The following ZNF560 variants were observed in gnomAD, a reference collection of about 807,000 sequenced individuals.
ZNF560 encodes the protein zinc finger protein 560.
Under a neutral mutation model 81.8 loss-of-function variants are expected in ZNF560, and 54 were observed. The ratio of observed to expected loss-of-function variants is 0.66; its 90% CI spans 0.53 to 0.83. The LOEUF (loss-of-function observed/expected upper bound fraction) is 0.83. ZNF560 is among the 40% of genes least tolerant of loss of function. The pLI is 0.00. For missense variants in ZNF560, 940 were observed against 932.4 expected (o/e 1.01, Z -0.11); for synonymous variants, 321 against 317.9 (o/e 1.01, Z -0.10).
At chr19:9,464,833 G>A (rs139138616), downstream of ZNF560, among the ~76,000 whole-genome samples, 198 of 152,232 alleles carry the variant, frequency 1.3e-3, no homozygotes, top group African/African-American at 4.6e-3. Flanking sequence ...TAGTTCTATA[G>A]AACCACCCAG....
At chr19:9,496,884 C>T (rs2073567456) in intron 2 of ZNF560, among the ~76,000 whole-genome samples, 1 of 151,444 alleles carries the variant, frequency 6.6e-6, no homozygotes. Flanking sequence ...TGCAGTAAGT[C>T]GAGATCACAC....
At chr19:9,479,506 C>A (rs1017935402) in intron 2 of ZNF560, among the ~76,000 whole-genome samples, 1 of 151,946 alleles carries the variant, frequency 6.6e-6, no homozygotes, top group African/African-American at 2.4e-5. Context: ...ACACAAAGGT[C>A]GTTATATGAT....
the ZNF560 span, among the ~76,000 whole-genome samples, chr19:9,456,551 C>T: frequency 1.3e-5 from 2 of 152,100 alleles, no homozygotes; most frequent in African/African-American, 4.8e-5. Context: ...AACCATCCTA[C>T]CTGTGAAAAA....
At chr19:9,472,309 G>A (rs1421382772) in intron 5 of ZNF560, among the ~76,000 whole-genome samples, 1 of 152,068 alleles carries the variant, frequency 6.6e-6, no homozygotes, top group Non-Finnish European at 1.5e-5. Flanking sequence ...GAATTCATGT[G>A]AGACCTGGTA....
chr19:9,447,695 C>T, the ZNF560 span, among the ~76,000 whole-genome samples: 1 of 151,850 alleles, frequency 6.6e-6, no homozygotes, highest in Non-Finnish European at 1.5e-5. Context: ...GAACAAAGTC[C>T]CCAAGAAATA....
intron 2 of ZNF560, among the ~76,000 whole-genome samples, chr19:9,497,126 T>C (rs1381605049): frequency 6.8e-6 from 1 of 146,022 alleles, no homozygotes; most frequent in African/African-American, 2.5e-5. Flanking sequence ...AAAAAAACTC[T>C]CAAAAAAAAA....
chr19:9,487,314 C>A (rs1413398973), intron 2 of ZNF560, among the ~76,000 whole-genome samples: 1 of 152,176 alleles, frequency 6.6e-6, no homozygotes, highest in Admixed American at 6.5e-5. Context: ...AAGGAATAAG[C>A]ATTTTACTTA....
At chr19:9,452,745 C>G in the ZNF560 span, among the ~76,000 whole-genome samples, 2 of 152,116 alleles carry the variant, frequency 1.3e-5, no homozygotes, top group African/African-American at 2.4e-5. Flanking sequence ...GACTACTGGG[C>G]GGGTAGGTGG....
At chr19:9,473,917 T>C (rs2144695303) in intron 4 of ZNF560, among the ~76,000 whole-genome samples, 1 of 152,312 alleles carries the variant, frequency 6.6e-6, no homozygotes, top group African/African-American at 2.4e-5. Flanking sequence ...GTGCATCAAA[T>C]TGATGTGGAA....
intron 2 of ZNF560, among the ~76,000 whole-genome samples, chr19:9,492,142 G>A (rs911453210): frequency 9.2e-5 from 14 of 151,858 alleles, no homozygotes; most frequent in Admixed American, 7.9e-4. Context: ...CATCAAGCCT[G>A]GCTAATCTGG....
chr19:9,473,464 G>T (rs2144694640), intron 4 of ZNF560, among the ~76,000 whole-genome samples: 1 of 152,156 alleles, frequency 6.6e-6, no homozygotes, highest in Non-Finnish European at 1.5e-5. Context: ...TATAATCCCA[G>T]CTACTTGGGG....
the ZNF560 span, among the ~76,000 whole-genome samples, chr19:9,456,416 G>T: frequency 2.0e-5 from 3 of 152,166 alleles, no homozygotes; most frequent in Admixed American, 6.5e-5. Context: ...CCGGGAGAGC[G>T]TATAGGGCAG....
chr19:9,476,994 A>G (rs541079744), intron 2 of ZNF560, among the ~76,000 whole-genome samples: 6 of 152,252 alleles, frequency 3.9e-5, no homozygotes, highest in South Asian at 2.1e-4. Context: ...TATATAGAGT[A>G]TCTGGACTCA....
At position 9,468,313 on chromosome 19, in the gene ZNF560, C is replaced by T; in HGVS notation, c.634G>A (p.Glu212Lys). The T allele has an allele frequency of 6.3e-7, 1 of 1,594,394 alleles. No homozygotes were observed. Among genetic ancestry groups the T allele is most frequent in the Non-Finnish European group, 8.5e-7 (1 of 1,172,630 alleles). Residue 212 changes from glutamate (E) to lysine (K), a missense_variant, in exon 10 of 10, where the codon GAA (glutamate) becomes AAA (lysine). Transcript: ENST00000301480. ...IQLARNQNGE[E>K]LYDCKQCEDV... ...TCACATTGCTTACAGTCATAGAGTT[C>T]CTCTCCATTTTGGTTTCTTGCCTGT...
At position 9,474,318 on chromosome 19, in the gene ZNF560, A is replaced by G. The variant is rs1278383143; in HGVS notation, c.38T>C (p.Val13Ala). The G allele has an allele frequency of 6.2e-7, 1 of 1,612,634 alleles. No homozygotes were observed. Among genetic ancestry groups the G allele is most frequent in the Admixed American group, 1.7e-5 (1 of 59,924 alleles). The change falls in exon 4 of 10, where the codon GTG becomes GCG. Residue 13 changes from valine (V) to alanine (A), a missense_variant. Physicochemically the swap from Val to Ala is moderately conservative, Grantham distance 64. Coordinates refer to ENST00000301480, the MANE Select transcript of ZNF560 (RefSeq NM_152476.3). ...YCLTNCYQYSVTFEDTAVDFT... is the reference protein window; with the variant it reads ...YCLTNCYQYSATFEDTAVDFT... ...GTCCACAGCTGTATCCTCAAAGGTC[A>G]CGGAGTACTAAACCATCACATACAT...
rs151000057 is a variant in ZNF560, at chr19:9,477,355, T to C, written c.-56-1986A>G. 8.9e-3 allele frequency among the ~76,000 whole-genome samples: 1,351 copies of C among 152,300 alleles called. 17 individuals carry two copies. Among genetic ancestry groups the C allele is most frequent in the South Asian group, 0.031 (150 of 4,828 alleles). Reference sequence around the variant, plus strand: ...AACCAGGACTTGAATGCAGTCAAGTTTGTCCCTAAGTCTAATCCTCTGTGG... The same window carrying C: ...AACCAGGACTTGAATGCAGTCAAGTCTGTCCCTAAGTCTAATCCTCTGTGG... On this transcript the variant is annotated intron_variant, in intron 2 of 9. Coordinates refer to ENST00000301480, the MANE Select transcript of ZNF560 (RefSeq NM_152476.3).
chr19:9,486,170 T>C (rs1211791758), intron 2 of ZNF560, among the ~76,000 whole-genome samples: 1 of 152,136 alleles, frequency 6.6e-6, no homozygotes, highest in Non-Finnish European at 1.5e-5. Context: ...TGACTCCAGA[T>C]CCTGGAGAAG....
chr19:9,463,117 T>C (rs2072959924), downstream of ZNF560, among the ~76,000 whole-genome samples: 1 of 152,212 alleles, frequency 6.6e-6, no homozygotes, highest in African/African-American at 2.4e-5. Context: ...GGTTACAAGT[T>C]AAGTCAGTTA....
the ZNF560 span, among the ~76,000 whole-genome samples, chr19:9,451,149 A>G: frequency 6.6e-6 from 1 of 152,206 alleles, no homozygotes; most frequent in South Asian, 2.1e-4. Context: ...CAGAACTGAA[A>G]AAGAGCCCAA....
Sources: gnomAD v4.1 joint callset for allele counts (sites outside exome capture counted in the v4.1 genomes callset) on GRCh38, gnomAD v4.1.1 for gene constraint, MANE v1.5 for transcripts, NCBI Gene and HGNC (gene_info 2026-07-23, HGNC 2026-07-21) for gene names.